TAF12: variants seen among roughly 807,000 people sequenced by gnomAD.
TAF12 encodes the protein transcription initiation factor TFIID subunit 12.
A neutral mutation model predicts 20.8 loss-of-function variants in TAF12; 3 were observed. The observed-to-expected ratio is 0.14, with a 90% confidence interval of 0.07 to 0.37. The LOEUF (loss-of-function observed/expected upper bound fraction) is 0.37, where lower values mean the gene tolerates loss of function less well. Ranked by LOEUF, TAF12 falls within the 10% of genes least tolerant of loss-of-function variation. The pLI is 1.00. For missense variants in TAF12, 131 were observed against 197.9 expected (o/e 0.66, Z 2.03); for synonymous variants, 69 against 70.2 (o/e 0.98, Z 0.09).
At chr1:28,606,756 G>A (rs542383775) in intron 4 of TAF12, among the ~76,000 whole-genome samples, 26 of 152,316 alleles carry the variant, frequency 1.7e-4, no homozygotes, top group African/African-American at 6.0e-4. Flanking sequence ...GGGACATGAA[G>A]GCACTTCAAG....
intron 1 of TAF12, among the ~76,000 whole-genome samples, chr1:28,638,576 C>T (rs1157759683): frequency 6.6e-6 from 1 of 151,284 alleles, no homozygotes; most frequent in African/African-American, 2.4e-5. Context: ...GCCTCTGCCT[C>T]CCGGGTTCCA....
chr1:28,615,678 CAAAAAAAAAAAAAAAAAA>C (rs57536422), intron 3 of TAF12, among the ~76,000 whole-genome samples: 1,598 of 34,850 alleles, frequency 0.046, 64 homozygotes, highest in South Asian at 0.12. Flanking sequence ...GACTCCGTCT[CAAAAAAAAAAAAAAAAAA>C]AAAAAAAAAA....
chr1:28,615,593 C>T (rs1484475999), intron 3 of TAF12, among the ~76,000 whole-genome samples: 1 of 135,130 alleles, frequency 7.4e-6, no homozygotes, highest in African/African-American at 2.8e-5. Context: ...GCAGGAGAAT[C>T]ACTTGAACCC....
chr1:28,645,484 C>A (rs1047984716), upstream of TAF12, among the ~76,000 whole-genome samples: 13 of 146,714 alleles, frequency 8.9e-5, no homozygotes, highest in Admixed American at 6.9e-4. Context: ...CCTATCTCTA[C>A]TAAAAATACA....
chr1:28,627,483 G>C (rs1192139646), intron 1 of TAF12, among the ~76,000 whole-genome samples: 3 of 151,172 alleles, frequency 2.0e-5, no homozygotes. Flanking sequence ...CACAAGGTCA[G>C]GAGATCGAGA....
At chr1:28,621,801 C>G in intron 2 of TAF12, 113 bp downstream of exon 2, 1 of 1,467,974 alleles carries the variant, frequency 6.8e-7, no homozygotes. Context: ...GGGAAAAGAC[C>G]TTTTCGGCTA....
intron 1 of TAF12, among the ~76,000 whole-genome samples, chr1:28,625,537 A>ATTTTTTTTT (rs753920655): frequency 7.5e-6 from 1 of 133,440 alleles, no homozygotes; most frequent in African/African-American, 2.9e-5. Context: ...CACCCAGCTA[A>ATTTTTTTTT]TTTTTTTTTT....
At chr1:28,618,534 ATTTTTTTTTT>A (rs968347496) in intron 2 of TAF12, among the ~76,000 whole-genome samples, 173 of 125,696 alleles carry the variant, frequency 1.4e-3, no homozygotes, top group Non-Finnish European at 2.5e-3. Context: ...TACCTGGCTA[ATTTTTTTTTT>A]TTTTTTTTTT....
chr1:28,634,719 CG>C (rs1300146633), intron 1 of TAF12, among the ~76,000 whole-genome samples: 2 of 150,696 alleles, frequency 1.3e-5, no homozygotes, highest in African/African-American at 2.4e-5. Context: ...CACCTGAGGT[CG>C]GAAGTTTGAG....
intron 1 of TAF12, chr1:28,623,989 G>A (rs573082946): frequency 1.0e-6 from 1 of 985,846 alleles, no homozygotes; most frequent in African/African-American, 1.7e-5. Context: ...AGCAACAGCT[G>A]TGAGCCCGGT....
chr1:28,624,313 T>G (rs998602360), intron 1 of TAF12, among the ~76,000 whole-genome samples: 4 of 152,092 alleles, frequency 2.6e-5, no homozygotes, highest in African/African-American at 9.7e-5. Flanking sequence ...TTGGGCAAAA[T>G]TGTGGGATAT....
intron 1 of TAF12, among the ~76,000 whole-genome samples, chr1:28,632,371 G>A (rs1342386225): frequency 6.6e-6 from 1 of 152,108 alleles, no homozygotes; most frequent in Non-Finnish European, 1.5e-5. Flanking sequence ...GGGAGGCGGA[G>A]GTTGCAGTGA....
At chr1:28,632,069 C>A (rs140605039) in intron 1 of TAF12, among the ~76,000 whole-genome samples, 12 of 152,230 alleles carry the variant, frequency 7.9e-5, no homozygotes, top group African/African-American at 2.6e-4. Context: ...CTACCAAAAA[C>A]CGAAAACAAT....
At chr1:28,611,911 A>C (rs1233269037) in intron 4 of TAF12, among the ~76,000 whole-genome samples, 1 of 152,214 alleles carries the variant, frequency 6.6e-6, no homozygotes, top group Non-Finnish European at 1.5e-5. Context: ...TTCATGAATC[A>C]AATCAACAAC....
In TAF12 at chr1:28,603,449, TAAA is replaced by T; in HGVS notation, c.*87_*89del. On this transcript the variant is annotated 3_prime_UTR_variant, in exon 6 of 6. Transcript: ENST00000373824. ...AAATATATGCTTCTCTGTAAAGCATTAAAAAAAAAAATCCAAGGATGAGATGGC... is the reference window on the plus strand; with the variant it reads ...AAATATATGCTTCTCTGTAAAGCATTAAAAAAAATCCAAGGATGAGATGGC... 2 of 1,105,846 alleles carry T rather than the reference TAAA, an allele frequency of 1.8e-6. No homozygotes were observed. Among genetic ancestry groups the T allele is most frequent in the Non-Finnish European group, 2.6e-6 (2 of 780,610 alleles). The allele number at this position is 1,105,846 out of a possible 1,614,324, so 68.5% of individuals were successfully genotyped here.
At chr1:28,609,943 A>G (rs1442246844) in intron 4 of TAF12, among the ~76,000 whole-genome samples, 3 of 150,474 alleles carry the variant, frequency 2.0e-5, no homozygotes, top group Non-Finnish European at 4.4e-5. Flanking sequence ...TACTTATTCT[A>G]CTTTCTGTCT....
chr1:28,605,348 C>T, intron 5 of TAF12, 24 bp downstream of exon 5: 1 of 1,609,604 alleles, frequency 6.2e-7, no homozygotes, highest in Non-Finnish European at 8.5e-7. Flanking sequence ...CCTGGCTGTC[C>T]CCAGGGCTCT....
chr1:28,617,858 G>T, intron 3 of TAF12, 95 bp downstream of exon 3: 2 of 1,197,516 alleles, frequency 1.7e-6, no homozygotes, highest in Non-Finnish European at 2.5e-6. Context: ...CTCTCAAAAG[G>T]CATGAGCCAC....
At chr1:28,647,463 T>G (rs1668224848), upstream of TAF12, among the ~76,000 whole-genome samples, 1 of 151,958 alleles carries the variant, frequency 6.6e-6, no homozygotes, top group African/African-American at 2.4e-5. Context: ...AATATTTTAT[T>G]TTGGGGTAGG....
Sources: allele counts gnomAD v4.1 joint callset (sites outside exome capture counted in the v4.1 genomes callset), GRCh38; gene constraint gnomAD v4.1.1; transcripts MANE v1.5; gene names NCBI Gene and HGNC (gene_info 2026-07-23, HGNC 2026-07-21).